Variants in ADGRD1 observed in about 807,000 individuals in gnomAD.
ADGRD1 encodes G-protein coupled receptor 133.
In ADGRD1, 77 loss-of-function variants were observed where a neutral mutation model predicts 113.4. The ratio of observed to expected loss-of-function variants is 0.68; its 90% CI spans 0.57 to 0.82. ADGRD1 has a LOEUF of 0.82. Ranked by LOEUF, ADGRD1 falls within the 40% of genes least tolerant of loss-of-function variation. The pLI, the probability that ADGRD1 is intolerant of heterozygous loss-of-function variation, is 0.00. For synonymous variants in ADGRD1, 474 were observed against 475.0 expected, an observed-to-expected ratio of 1.00 and a Z score of 0.03; for missense variants, 1,036 against 1,139.1, an observed-to-expected ratio of 0.91 and a Z score of 1.30.
intron 5 of ADGRD1, among the ~76,000 whole-genome samples, chr12:130,983,457 C>T (rs908936350): frequency 6.6e-6 from 1 of 152,076 alleles, no homozygotes. Flanking sequence ...TATCAGAGTC[C>T]GATTGTAAGC....
chr12:131,038,263 C>T (rs1881750229), intron 13 of ADGRD1, among the ~76,000 whole-genome samples: 1 of 152,258 alleles, frequency 6.6e-6, no homozygotes, highest in African/African-American at 2.4e-5. Context: ...ATCCACATAG[C>T]CCAGTGTCTC....
At chr12:131,122,055 T>C (rs1452918514) in intron 20 of ADGRD1, 1 of 152,250 alleles carries the variant, frequency 6.6e-6, no homozygotes, top group East Asian at 1.9e-4. Context: ...TTCCCTTCGG[T>C]ACTTCCACGT....
At chr12:131,012,708 A>C (rs1338863162) in intron 12 of ADGRD1, among the ~76,000 whole-genome samples, 1 of 152,104 alleles carries the variant, frequency 6.6e-6, no homozygotes, top group Non-Finnish European at 1.5e-5. Context: ...TTAGAAGGAA[A>C]AACAAGTTGA....
At chr12:131,002,290 C>T (rs554102590) in intron 9 of ADGRD1, among the ~76,000 whole-genome samples, 1 of 152,362 alleles carries the variant, frequency 6.6e-6, no homozygotes, top group African/African-American at 2.4e-5. Context: ...AAAGAGAATG[C>T]ATGAATCGGT....
chr12:130,964,437 G>A (rs1427052640), intron 2 of ADGRD1, among the ~76,000 whole-genome samples: 2 of 152,198 alleles, frequency 1.3e-5, no homozygotes, highest in African/African-American at 4.8e-5. Context: ...TGTAATCCCA[G>A]CATTTTGGGA....
In ADGRD1 at chr12:130,962,317, C is replaced by T. The variant is rs142808657; in HGVS notation, c.104-4146C>T. ...GAACTCTGGCTGGCTTTGGGGTGAA[C>T]GAGACACCATCACTTTACTCTGTCA... On this transcript the variant is annotated intron_variant, in intron 2 of 24. Transcript: ENST00000261654. The T allele has an allele frequency of 4.6e-5, 7 of 152,304 alleles. No homozygotes were observed. In the East Asian group the frequency reaches 1.3e-3, roughly 29 times the overall value. 9.4% of individuals were successfully genotyped at this position (152,304 alleles called of 1,614,324 possible). A position where few individuals can be genotyped will look rare whatever the true frequency, so the allele number is the denominator to read the frequency against.
chr12:131,105,008 C>A, intron 16 of ADGRD1, 74 bp downstream of exon 16: 1 of 1,069,550 alleles, frequency 9.3e-7, no homozygotes, highest in Non-Finnish European at 1.4e-6. Context: ...ATGGAAGAGA[C>A]ACGGGAGAGG....
rs917245322 is a variant in ADGRD1 at position 131,046,012 on chromosome 12, T to G, written c.1474-30789T>G. Among the ~76,000 whole-genome samples, 6 of 148,964 alleles carry G rather than the reference T, an allele frequency of 4.0e-5. No individual in the cohort carries two copies. In the East Asian group the frequency reaches 1.2e-3, roughly 30 times the overall value. On this transcript the variant is annotated intron_variant, in intron 13 of 24. Coordinates refer to ENST00000261654, the MANE Select transcript of ADGRD1 (RefSeq NM_198827.5). ...CCTCCTTGCTCAGTGTCCTCCCTGG[T>G]GAGTGTCCTCCCTGGTCAGTGTCCT...
intron 8 of ADGRD1, among the ~76,000 whole-genome samples, chr12:130,996,919 A>C (rs1474221480): frequency 4.5e-3 from 324 of 71,800 alleles, no homozygotes; most frequent in East Asian, 6.9e-3. Context: ...CGGGCAGAGG[A>C]GCCCCTCACC....
chr12:131,134,503 C>A (rs1234476288), intron 21 of ADGRD1, among the ~76,000 whole-genome samples: 1 of 152,256 alleles, frequency 6.6e-6, no homozygotes, highest in South Asian at 2.1e-4. Flanking sequence ...CTTTCAGATA[C>A]GGTTTCCCGG....
chr12:131,103,456 T>C (rs1950143559), intron 15 of ADGRD1, among the ~76,000 whole-genome samples: 1 of 152,200 alleles, frequency 6.6e-6, no homozygotes, highest in South Asian at 2.1e-4. Context: ...AGCACGTCTG[T>C]AGCCCCTCGG....
At chr12:130,987,530 T>C (rs772870113) in intron 6 of ADGRD1, 181 bp downstream of exon 6, 18 of 635,682 alleles carry the variant, frequency 2.8e-5, no homozygotes, top group Non-Finnish European at 4.9e-5. Context: ...GATAGAGGAG[T>C]TAATAATTTA....
chr12:130,956,200 A>G (rs1452154856), intron 2 of ADGRD1, among the ~76,000 whole-genome samples: 3 of 152,182 alleles, frequency 2.0e-5, no homozygotes, highest in African/African-American at 7.2e-5. Flanking sequence ...ATGGAGCACC[A>G]GGAGCCTGCT....
At chr12:131,127,473 G>A (rs1299632293) in intron 20 of ADGRD1, among the ~76,000 whole-genome samples, 4 of 152,114 alleles carry the variant, frequency 2.6e-5, no homozygotes, top group Non-Finnish European at 5.9e-5. Flanking sequence ...TCATGTGGGT[G>A]TTGGTTGTGA....
chr12:131,132,589 C>T (rs1169865558), intron 21 of ADGRD1, among the ~76,000 whole-genome samples: 1 of 152,256 alleles, frequency 6.6e-6, no homozygotes, highest in Non-Finnish European at 1.5e-5. Context: ...GACTCTGCCC[C>T]CTGGTGGCCG....
Position 131,076,818 on chromosome 12 carries a change from T to G in ADGRD1, c.1491T>G (p.Ser497Arg). The G allele has an allele frequency of 3.7e-6, 6 of 1,614,148 alleles. No homozygotes were observed. Among genetic ancestry groups the G allele is most frequent in the Non-Finnish European group, 5.1e-6 (6 of 1,179,982 alleles). The change falls in exon 14 of 25, where the codon AGT (serine) becomes AGG (arginine). Residue 497 changes from serine to arginine, a missense_variant. Transcript: ENST00000261654. Reference sequence around the variant, plus strand: ...CATTTCAGACACGTAAGCAGCACAGTGAGGCCACCAACAGCAGCAACCGAG... The same window carrying G: ...CATTTCAGACACGTAAGCAGCACAGGGAGGCCACCAACAGCAGCAACCGAG... ...LKHRLTRKQH[S>R]EATNSSNRVF...
chr12:130,981,505 G>A, intron 4 of ADGRD1: 10 of 158,924 alleles, frequency 6.3e-5, no homozygotes, highest in Admixed American at 2.5e-4. Context: ...GAGGGTGTAG[G>A]TCTTCACATT....
intron 20 of ADGRD1, 113 bp downstream of exon 20, chr12:131,121,026 C>A: frequency 2.2e-6 from 2 of 905,818 alleles, no homozygotes; most frequent in Non-Finnish European, 3.4e-6. Flanking sequence ...AAGGATGCAG[C>A]GTCGTTCCTC....
intron 4 of ADGRD1, chr12:130,980,757 A>T (rs1196942867): frequency 6.6e-6 from 1 of 152,214 alleles, no homozygotes; most frequent in African/African-American, 2.4e-5. Flanking sequence ...TAAAAATTAC[A>T]TTGTTTTTCC....
Sources: gnomAD v4.1 joint callset for allele counts (sites outside exome capture counted in the v4.1 genomes callset) on GRCh38, gnomAD v4.1.1 for gene constraint, MANE v1.5 for transcripts, NCBI Gene and HGNC (gene_info 2026-07-23, HGNC 2026-07-21) for gene names.